The following EPHA10 variants were observed in gnomAD, a reference collection of about 807,000 sequenced individuals.
The protein encoded by EPHA10 is EPH receptor A10, also known as ephrin type-A receptor 10.
In EPHA10, 120 loss-of-function variants were observed where a neutral mutation model predicts 109.7. The observed-to-expected ratio is 1.09, with a 90% confidence interval of 0.94 to 1.27. EPHA10 has a LOEUF of 1.27. Among genes scored for constraint, EPHA10 ranks in the 50% most tolerant of loss-of-function variants. The pLI is 0.00. For missense variants in EPHA10, 1,396 were observed against 1,411.1 expected, an observed-to-expected ratio of 0.99 and a Z score of 0.17; for synonymous variants, 640 against 618.9, an observed-to-expected ratio of 1.03 and a Z score of -0.51.
chr1:37,720,694 C>A, intron 12 of EPHA10, 89 bp downstream of exon 12: 1 of 1,562,548 alleles, frequency 6.4e-7, no homozygotes. Context: ...GGGATGATGC[C>A]AATTCCAAGC....
chr1:37,737,229 A>C (rs1222112594), intron 5 of EPHA10, among the ~76,000 whole-genome samples: 2 of 152,114 alleles, frequency 1.3e-5, no homozygotes, highest in African/African-American at 4.8e-5. Flanking sequence ...TGAGAGAATC[A>C]CTTGAGGCCA....
chr1:37,725,247 G>A (rs956782750), intron 8 of EPHA10, among the ~76,000 whole-genome samples: 1 of 152,154 alleles, frequency 6.6e-6, no homozygotes, highest in Non-Finnish European at 1.5e-5. Context: ...GCTCATACCT[G>A]TAATCCCAGC....
chr1:37,736,317 G>A (rs948029175), intron 5 of EPHA10, among the ~76,000 whole-genome samples: 6 of 151,902 alleles, frequency 3.9e-5, no homozygotes, highest in African/African-American at 1.5e-4. Context: ...CTCTGCTAAA[G>A]AAATGCAAAA....
rs369707558 is a variant in EPHA10, at chr1:37,761,538, C to T, written c.717G>A (p.Thr239=). The T allele has an allele frequency of 9.7e-5, 155 of 1,598,626 alleles. No individual in the cohort carries two copies. The Middle Eastern group carries it at 1.2e-3, about 12-fold the overall frequency. The change falls in exon 3 of 17, where the codon ACG becomes ACA. Residue 239 remains threonine, a synonymous_variant. Transcript: ENST00000373048. ...GCTCCCCTTCCGAGTGCGCCACGCA[C>T]GTTCCGGCCACTTCCACCAGTGTGG... The part of the protein sequence containing the change: ...AFSTLVEVAG[T]CVAHSEGEPG...
intron 7 of EPHA10, among the ~76,000 whole-genome samples, chr1:37,729,292 G>T (rs966015378): frequency 3.3e-5 from 5 of 152,194 alleles, no homozygotes; most frequent in Non-Finnish European, 7.3e-5. Flanking sequence ...GCACCTAGCT[G>T]AGAGGCACCT....
At chr1:37,761,112 T>A in intron 3 of EPHA10, 4 of 1,170,352 alleles carry the variant, frequency 3.4e-6, no homozygotes, top group Non-Finnish European at 4.3e-6. Flanking sequence ...AAACAATGAC[T>A]TCCTTTATTG....
intron 5 of EPHA10, 128 bp downstream of exon 5, chr1:37,752,748 G>C (rs1646347356): frequency 2.0e-6 from 1 of 510,988 alleles, no homozygotes; most frequent in African/African-American, 2.2e-5. Context: ...GGGGCGGGGT[G>C]CGTGTACAGA....
intron 5 of EPHA10, among the ~76,000 whole-genome samples, chr1:37,745,873 G>C (rs867549891): frequency 2.0e-5 from 3 of 151,668 alleles, no homozygotes; most frequent in Non-Finnish European, 1.5e-5. Flanking sequence ...AAATAACAAA[G>C]GTGGCTTTCC....
downstream of EPHA10, among the ~76,000 whole-genome samples, chr1:37,715,318 C>G (rs1257208181): frequency 6.6e-6 from 1 of 152,162 alleles, no homozygotes; most frequent in Non-Finnish European, 1.5e-5. Context: ...GCATGAGCCA[C>G]CGAACCCGGC....
In EPHA10 at chr1:37,716,154, G is replaced by A; in HGVS notation, c.*2218C>T. On this transcript the variant is annotated 3_prime_UTR_variant, in exon 17 of 17. Transcript: ENST00000373048. Reference sequence around the variant, plus strand: ...TCCATATAAAAATAGATCTGTAGAGGGTTCCCAGAGAGCCATCGCCCCACA... The same window carrying A: ...TCCATATAAAAATAGATCTGTAGAGAGTTCCCAGAGAGCCATCGCCCCACA... 2.4e-6 allele frequency: 1 copy of A among 419,852 alleles called. No individual in the cohort carries two copies. The highest frequency in any genetic ancestry group is 4.5e-6 in the Non-Finnish European group (1 of 221,930). The allele number at this position is 419,852 out of a possible 1,614,324, so 26.0% of individuals were successfully genotyped here.
intron 3 of EPHA10, among the ~76,000 whole-genome samples, chr1:37,756,376 A>T (rs2148368222): frequency 6.6e-6 from 1 of 152,306 alleles, no homozygotes; most frequent in South Asian, 2.1e-4. Flanking sequence ...CTCCCTCCCC[A>T]CAAGTGTATG....
At chr1:37,744,263 CA>C (rs1646197048) in intron 5 of EPHA10, among the ~76,000 whole-genome samples, 1 of 151,828 alleles carries the variant, frequency 6.6e-6, no homozygotes, top group South Asian at 2.1e-4. Context: ...CCTGTAATCC[CA>C]GCCCTTTGGG....
In EPHA10 at chr1:37,765,008, C is replaced by G; in HGVS notation, c.59G>C (p.Cys20Ser). 2 of 1,611,224 alleles carry G rather than the reference C, an allele frequency of 1.2e-6. No individual in the cohort carries two copies. The highest frequency in any genetic ancestry group is 1.7e-6 in the Non-Finnish European group (2 of 1,179,420). The change falls in exon 1 of 17, where the codon TGT becomes TCT. Residue 20 changes from cysteine (C) to serine (S), a missense_variant. Cys to Ser is a moderately radical substitution (Grantham distance 112, BLOSUM62 -1). Transcript: ENST00000373048. The stretch of plus-strand genomic sequence containing the variant: ...CCAGGGTCCCAAAAGCAGCGCGAGA[C>G]AGAGCTGCATCCGGCAGAGGAAGAG... ...LRLFLCRMQL[C>S]LALLLGPWRP...
chr1:37,744,732 C>T (rs181719816), intron 5 of EPHA10, among the ~76,000 whole-genome samples: 41 of 149,846 alleles, frequency 2.7e-4, no homozygotes, highest in Admixed American at 8.1e-4. Context: ...AGCCAAACCA[C>T]AGAGTGGGAG....
intron 15 of EPHA10, 95 bp downstream of exon 15, chr1:37,719,319 G>T: frequency 7.2e-7 from 1 of 1,394,598 alleles, no homozygotes; most frequent in Non-Finnish European, 9.9e-7. Flanking sequence ...CTCTTGGACA[G>T]GTGGGGTGGT....
intron 8 of EPHA10, among the ~76,000 whole-genome samples, chr1:37,723,678 C>A (rs1397803353): frequency 2.0e-5 from 3 of 152,256 alleles, no homozygotes; most frequent in African/African-American, 4.8e-5. Context: ...CCCCAGCTGC[C>A]CCCGCATGCG....
intron 8 of EPHA10, 98 bp from the exon 9 acceptor site, chr1:37,723,470 A>C (rs1010805): frequency 0.21 from 284,196 of 1,370,020 alleles, 31,030 homozygotes; most frequent in Middle Eastern, 0.26. Context: ...TTCAAAAGAC[A>C]AGGCCTGTGC....
chr1:37,720,759 A>G, intron 12 of EPHA10, 24 bp downstream of exon 12: 1 of 1,613,720 alleles, frequency 6.2e-7, no homozygotes, highest in Admixed American at 1.7e-5. Flanking sequence ...TAAAGTGGTC[A>G]TTGGCAGCCC....
chr1:37,721,757 G>T lies in EPHA10; in HGVS notation c.2049C>A (p.Ala683=). 6.2e-7 allele frequency: 1 copy of T among 1,612,666 alleles called. No individual in the cohort carries two copies. Among genetic ancestry groups the T allele is most frequent in the African/African-American group, 1.3e-5 (1 of 75,026 alleles). ...LVAVHMLRDS[A]SDSQRLGFLA... Reference sequence around the variant, plus strand: ...GGAAGCCGAGCCTCTGTGAGTCGGAGGCGCTGTCCCTCAGCATATGCACGG... The same window carrying T: ...GGAAGCCGAGCCTCTGTGAGTCGGATGCGCTGTCCCTCAGCATATGCACGG... Residue 683 remains alanine, a synonymous_variant, in exon 11 of 17, where the codon GCC becomes GCA. Coordinates refer to ENST00000373048, the MANE Select transcript of EPHA10 (RefSeq NM_001099439.2).
Sources: allele counts gnomAD v4.1 joint callset (sites outside exome capture counted in the v4.1 genomes callset), GRCh38; gene constraint gnomAD v4.1.1; transcripts MANE v1.5; gene names NCBI Gene and HGNC (gene_info 2026-07-23, HGNC 2026-07-21).